The following MASP1 variants were observed in gnomAD, a reference collection of about 807,000 sequenced individuals.
The protein encoded by MASP1 is mannan-binding lectin serine protease 1.
MASP1 carries 59 observed loss-of-function variants against 77.1 expected under a neutral mutation model. The observed-to-expected ratio is 0.77, with a 90% CI of 0.62 to 0.95. The LOEUF (loss-of-function observed/expected upper bound fraction) is 0.95, where lower values mean the gene tolerates loss of function less well. MASP1 is among the 40% of genes least tolerant of loss of function. The probability of loss-of-function intolerance (pLI) is 0.00; values close to 1 mark genes in which losing one functional copy is unlikely to be tolerated. For missense variants in MASP1, 885 were observed against 912.9 expected (o/e 0.97, Z 0.39); for synonymous variants, 362 against 354.5 (o/e 1.02, Z -0.24).
chr3:187,291,529 A>C, intron 1 of MASP1, 99 bp downstream of exon 1: 1 of 1,466,154 alleles, frequency 6.8e-7, no homozygotes, highest in Non-Finnish European at 9.6e-7. Context: ...CACATGCAGG[A>C]CACGCAGGTG....
intron 10 of MASP1, among the ~76,000 whole-genome samples, chr3:187,238,190 C>G (rs698087): frequency 0.96 from 145,716 of 152,276 alleles, 70,043 homozygotes; most frequent in East Asian, 1. Context: ...GCATTAAACG[C>G]TACCTTTCTC....
downstream of MASP1, among the ~76,000 whole-genome samples, chr3:187,233,869 C>T (rs1450027571): frequency 6.6e-6 from 1 of 152,174 alleles, no homozygotes; most frequent in Admixed American, 6.6e-5. Context: ...ATGGCAGGCA[C>T]TTAAATGAAG....
In MASP1 at chr3:187,234,136, A is replaced by G; in HGVS notation, c.*1548T>C. Reference sequence around the variant, plus strand: ...CTTGAGACCCCTGATGGGAGCAACAATGCAGAGGCCCTTTACAGAATGGTG... The same window carrying G: ...CTTGAGACCCCTGATGGGAGCAACAGTGCAGAGGCCCTTTACAGAATGGTG... On this transcript the variant is annotated 3_prime_UTR_variant, in exon 11 of 11. Transcript: ENST00000296280. 2 of 1,287,010 alleles carry G rather than the reference A, an allele frequency of 1.6e-6. No homozygotes were observed. The highest frequency in any genetic ancestry group is 1.0e-6 in the Non-Finnish European group (1 of 988,486). 79.7% of individuals were successfully genotyped at this position (1,287,010 alleles called of 1,614,324 possible). A position where few individuals can be genotyped will look rare whatever the true frequency, so the allele number is the denominator to read the frequency against.
intron 1 of MASP1, among the ~76,000 whole-genome samples, chr3:187,286,380 T>C (rs916728133): frequency 6.6e-6 from 1 of 152,218 alleles, no homozygotes. Flanking sequence ...AAAGTTGATA[T>C]TTCTTTAGCT....
At chr3:187,286,192 CT>C in intron 1 of MASP1, 136 bp from the exon 2 acceptor site, 1 of 724,118 alleles carries the variant, frequency 1.4e-6, no homozygotes, top group Admixed American at 2.0e-5. Flanking sequence ...CCCTTCTGAC[CT>C]TGCCTCCTCA....
chr3:187,250,106 T>G (rs1024982203), intron 8 of MASP1, 145 bp downstream of exon 8: 1 of 757,850 alleles, frequency 1.3e-6, no homozygotes, highest in Admixed American at 1.8e-5. Context: ...CTCTTTTTTT[T>G]CCCAACCCTT....
At chr3:187,253,658 A>C (rs1714822649) in intron 5 of MASP1, among the ~76,000 whole-genome samples, 1 of 152,232 alleles carries the variant, frequency 6.6e-6, no homozygotes, top group African/African-American at 2.4e-5. Context: ...CTATGCATCC[A>C]TACAAAAGGA....
intron 14 of MASP1, among the ~76,000 whole-genome samples, chr3:187,221,307 T>A (rs566415749): frequency 6.6e-6 from 1 of 152,298 alleles, no homozygotes; most frequent in African/African-American, 2.4e-5. Context: ...GAATGGAGAA[T>A]CAGGAGGCCC....
intron 1 of MASP1, among the ~76,000 whole-genome samples, chr3:187,286,799 C>T (rs1398980268): frequency 6.6e-6 from 1 of 152,220 alleles, no homozygotes; most frequent in Non-Finnish European, 1.5e-5. Flanking sequence ...CAGACCGATT[C>T]CCCTGTGAGG....
At position 187,238,831 on chromosome 3, in the gene MASP1, C is replaced by A. The variant is rs528468411; in HGVS notation, c.1304-2264G>T. On this transcript the variant is annotated intron_variant, in intron 10 of 10. Coordinates refer to ENST00000296280, the MANE Select transcript of MASP1 (RefSeq NM_139125.4). Reference sequence around the variant, plus strand: ...GCAAGTAATATTTGCTTAGCAGGACCCCTGAAATGGTGGGCCTTTTGACAA... The same window carrying A: ...GCAAGTAATATTTGCTTAGCAGGACACCTGAAATGGTGGGCCTTTTGACAA... Among the ~76,000 whole-genome samples the A allele has an allele frequency of 1.6e-4, 24 of 152,090 alleles. 1 individual carries two copies. The highest frequency in any genetic ancestry group is 2.9e-4 in the Non-Finnish European group (20 of 68,016).
At chr3:187,279,969 T>C (rs1717280850) in intron 2 of MASP1, among the ~76,000 whole-genome samples, 1 of 152,240 alleles carries the variant, frequency 6.6e-6, no homozygotes, top group Non-Finnish European at 1.5e-5. Flanking sequence ...GAATTCTTTT[T>C]ACTGATCTTT....
chr3:187,287,292 T>A (rs1045162191), intron 1 of MASP1, among the ~76,000 whole-genome samples: 2 of 152,186 alleles, frequency 1.3e-5, no homozygotes, highest in African/African-American at 4.8e-5. Flanking sequence ...GAGCACACCA[T>A]GCCCTTCCAT....
At chr3:187,230,187 A>G (rs1162471798), downstream of MASP1, among the ~76,000 whole-genome samples, 1 of 152,242 alleles carries the variant, frequency 6.6e-6, no homozygotes, top group East Asian at 1.9e-4. Context: ...AGAGATGGGA[A>G]TGTGACCTTG....
Position 187,256,737 on chromosome 3 carries a change from A to G in MASP1, c.671T>C (p.Val224Ala), listed in dbSNP as rs1715114447. 1 of 1,613,818 alleles carries G rather than the reference A, an allele frequency of 6.2e-7. No individual in the cohort carries two copies. The highest frequency in any genetic ancestry group is 8.5e-7 in the Non-Finnish European group (1 of 1,180,008). ...AAATATGTCCTCAAACTGCAGGTTG[A>G]CCATGAAACCCTCCTCCAGCTCGAT... ...YTIELEEGFMVNLQFEDIFDI... is the reference protein window; with the variant it reads ...YTIELEEGFMANLQFEDIFDI... The change falls in exon 5 of 11, where the codon GTC becomes GCC. Residue 224 changes from valine (V) to alanine (A), a missense_variant. Val to Ala is a moderately conservative substitution (Grantham distance 64). Transcript: ENST00000296280.
chr3:187,256,603 T>C, intron 5 of MASP1, 61 bp downstream of exon 5: 1 of 1,553,914 alleles, frequency 6.4e-7, no homozygotes. Flanking sequence ...GCAATATCAA[T>C]TTTCCCAACT....
intron 1 of MASP1, among the ~76,000 whole-genome samples, chr3:187,288,637 C>CAA: frequency 6.6e-6 from 1 of 152,326 alleles, no homozygotes; most frequent in Non-Finnish European, 1.5e-5. Context: ...TCCCAAAAAG[C>CAA]AAGAGTCAGG....
intron 13 of MASP1, chr3:187,223,266 T>C: frequency 8.7e-7 from 1 of 1,154,904 alleles, no homozygotes; most frequent in East Asian, 2.3e-5. Flanking sequence ...AGCTTGCAGC[T>C]CCATCATCCT....
chr3:187,226,429 A>G, exon 12 of MASP1: 1 of 1,611,352 alleles, frequency 6.2e-7, no homozygotes, highest in Non-Finnish European at 8.5e-7. Flanking sequence ...TGAAGTCAGA[A>G]GGGCTGAGCA....
chr3:187,259,600 C>G (rs1356523192), intron 4 of MASP1, among the ~76,000 whole-genome samples: 1 of 151,784 alleles, frequency 6.6e-6, no homozygotes, highest in Non-Finnish European at 1.5e-5. Context: ...CATTCTTGGC[C>G]CTGACTGTAC....
Sources: allele counts gnomAD v4.1 joint callset (sites outside exome capture counted in the v4.1 genomes callset), GRCh38; gene constraint gnomAD v4.1.1; transcripts MANE v1.5; gene names NCBI Gene and HGNC (gene_info 2026-07-23, HGNC 2026-07-21).